Variants in LRRK1 observed in about 807,000 individuals in gnomAD.
LRRK1 encodes leucine-rich repeat serine/threonine-protein kinase 1.
In LRRK1, 113 loss-of-function variants were observed where a neutral mutation model predicts 209.1. The observed-to-expected ratio is 0.54, with a 90% CI of 0.46 to 0.63. The LOEUF (loss-of-function observed/expected upper bound fraction) is 0.63, where lower values mean the gene tolerates loss of function less well. Ranked by LOEUF, LRRK1 falls within the 30% of genes least tolerant of loss-of-function variation. LRRK1 has a pLI of 0.00. For missense variants in LRRK1, 2,284 were observed against 2,632.2 expected (o/e 0.87, Z 2.89); for synonymous variants, 1,144 against 1,099.7 (o/e 1.04, Z -0.80).
chr15:101,012,903 G>GGT (rs1555468221), intron 10 of LRRK1, among the ~76,000 whole-genome samples: 3 of 152,052 alleles, frequency 2.0e-5, no homozygotes, highest in Non-Finnish European at 4.4e-5. Flanking sequence ...GTGCCCCCGG[G>GGT]GGGGGGTGGT....
In LRRK1 at chr15:100,919,578, C is replaced by G. The variant is rs902377323; in HGVS notation, c.-123+127C>G. 242 of 148,362 alleles carry G rather than the reference C, an allele frequency of 1.6e-3. 1 individual carries two copies. The highest frequency in any genetic ancestry group is 6.9e-3 in the Middle Eastern group (2 of 288). 9.2% of individuals were successfully genotyped at this position (148,362 alleles called of 1,614,324 possible). A position where few individuals can be genotyped will look rare whatever the true frequency, so the allele number is the denominator to read the frequency against. On this transcript the variant is annotated intron_variant, in intron 1 of 33. Transcript: ENST00000388948. The surrounding 1 kb of genome is among the most constrained non-coding windows in gnomAD (Gnocchi z 5.8). ...CTCTGCCTGCCCGCGGGCCCCTGCG[C>G]TCCGGGCGGCCGCGTGGTCGGGCAC...
chr15:101,004,458 C>T (rs2032849056), intron 6 of LRRK1, among the ~76,000 whole-genome samples: 1 of 152,078 alleles, frequency 6.6e-6, no homozygotes, highest in Non-Finnish European at 1.5e-5. Flanking sequence ...CTCTTCAGCT[C>T]ACAAACACTG....
At chr15:101,058,557 C>T (rs978264086) in intron 29 of LRRK1, among the ~76,000 whole-genome samples, 8 of 136,420 alleles carry the variant, frequency 5.9e-5, no homozygotes, top group Admixed American at 5.1e-4. Context: ...TGAGGCCTGT[C>T]GGCCTGGTTA....
chr15:101,054,856 C>G (rs1225839996), intron 26 of LRRK1, 90 bp from the exon 27 acceptor site: 13 of 1,134,000 alleles, frequency 1.1e-5, no homozygotes, highest in Admixed American at 2.3e-5. Context: ...CTAGGGAGAT[C>G]GGAAGACAAA....
intron 2 of LRRK1, among the ~76,000 whole-genome samples, chr15:100,941,462 C>A (rs1442327502): frequency 1.5e-3 from 25 of 16,466 alleles, no homozygotes; most frequent in East Asian, 9.4e-3. Flanking sequence ...GTGTCTATGT[C>A]TCTGTGTGTG....
intron 12 of LRRK1, among the ~76,000 whole-genome samples, chr15:101,016,782 G>A (rs909600759): frequency 6.6e-6 from 1 of 152,158 alleles, no homozygotes; most frequent in Non-Finnish European, 1.5e-5. Flanking sequence ...ACTGCCACAC[G>A]ATGGTATCTT....
intron 12 of LRRK1, 86 bp from the exon 13 acceptor site, chr15:101,020,967 C>T: frequency 6.7e-7 from 1 of 1,489,160 alleles, no homozygotes; most frequent in Non-Finnish European, 9.3e-7. Context: ...CTGGAGGTTG[C>T]ATCAGTTTAT....
intron 9 of LRRK1, 116 bp downstream of exon 9, chr15:101,010,953 A>G: frequency 1.2e-6 from 1 of 860,364 alleles, no homozygotes; most frequent in African/African-American, 1.7e-5. Flanking sequence ...AGCCGGGTAG[A>G]AGGGCCCGGT....
At chr15:101,052,059 C>CACCTGCCCGCCCCAGA in intron 24 of LRRK1, 99 bp downstream of exon 24, 1 of 1,411,416 alleles carries the variant, frequency 7.1e-7, no homozygotes, top group Non-Finnish European at 9.6e-7. Flanking sequence ...CCCTCTGGGG[C>CACCTGCCCGCCCCAGA]GGGCAGGTGC....
chr15:100,991,328 G>C (rs569455333), intron 6 of LRRK1, among the ~76,000 whole-genome samples: 36 of 152,100 alleles, frequency 2.4e-4, no homozygotes, highest in African/African-American at 8.2e-4. Flanking sequence ...TCGGACATTT[G>C]TTCTTCTATT....
At chr15:100,973,655 G>A in intron 2 of LRRK1, 149 bp from the exon 3 acceptor site, 5 of 811,208 alleles carry the variant, frequency 6.2e-6, no homozygotes, top group Non-Finnish European at 8.3e-6. Context: ...GCGAGCGCAG[G>A]GAGCGTCGCG....
At chr15:101,050,376 C>T (rs1435566442) in intron 23 of LRRK1, among the ~76,000 whole-genome samples, 1 of 152,154 alleles carries the variant, frequency 6.6e-6, no homozygotes, top group East Asian at 1.9e-4. Context: ...TTGTTTTGCT[C>T]CTGGGGTGGA....
intron 31 of LRRK1, chr15:101,064,692 G>A (rs555572032): frequency 6.6e-6 from 1 of 152,098 alleles, no homozygotes; most frequent in Admixed American, 6.4e-5. Flanking sequence ...TCCAGAAGAG[G>A]GTTGAGTAGG....
At chr15:100,978,550 A>G (rs544361167) in intron 3 of LRRK1, among the ~76,000 whole-genome samples, 167 of 152,304 alleles carry the variant, frequency 1.1e-3, no homozygotes, top group African/African-American at 3.8e-3. Flanking sequence ...AAAATCACCA[A>G]CGTCAGAAGG....
Position 101,065,382 on chromosome 15 carries a change from G to A in LRRK1, c.4945G>A (p.Asp1649Asn), listed in dbSNP as rs764163827. ...CTACCTGGTCTTAGCGGGCCTCGCCGATGGGCTTGTGGCTGTGTTTCCCGT... is the reference window on the plus strand; with the variant it reads ...CTACCTGGTCTTAGCGGGCCTCGCCAATGGGCTTGTGGCTGTGTTTCCCGT... ...NSYLVLAGLA[D>N]GLVAVFPVVR... The change falls in exon 32 of 34, where the codon GAT becomes AAT. Residue 1649 changes from aspartate to asparagine, a missense_variant. Physicochemically the swap from Asp to Asn is conservative, Grantham distance 23 (BLOSUM62 1). Around this residue, in one of 6 missense-constraint regions of LRRK1, gnomAD observed 643 missense variants for 695.9 expected, o/e 0.92. Coordinates refer to ENST00000388948, the MANE Select transcript of LRRK1 (RefSeq NM_024652.6). The A allele has an allele frequency of 1.8e-5, 29 of 1,613,878 alleles. No homozygotes were observed. Among genetic ancestry groups the A allele is most frequent in the South Asian group, 3.3e-5 (3 of 91,094 alleles).
intron 26 of LRRK1, among the ~76,000 whole-genome samples, chr15:101,053,633 T>C (rs1379735446): frequency 7.2e-5 from 11 of 152,092 alleles, no homozygotes; most frequent in Admixed American, 7.2e-4. Context: ...GAGCGCACAC[T>C]CTGGAGTCGG....
chr15:100,952,035 A>G (rs982273513), intron 2 of LRRK1, among the ~76,000 whole-genome samples: 2 of 151,944 alleles, frequency 1.3e-5, no homozygotes, highest in African/African-American at 2.4e-5. Context: ...TACAACATGA[A>G]TAAGTCTTGA....
At chr15:101,051,119 A>G (rs1181909400) in intron 23 of LRRK1, among the ~76,000 whole-genome samples, 1 of 152,182 alleles carries the variant, frequency 6.6e-6, no homozygotes, top group Non-Finnish European at 1.5e-5. Context: ...AGTTCTAGGC[A>G]TCCACCTCCT....
At chr15:100,998,138 C>T (rs2032506759) in intron 6 of LRRK1, among the ~76,000 whole-genome samples, 1 of 151,326 alleles carries the variant, frequency 6.6e-6, no homozygotes, top group South Asian at 2.1e-4. Flanking sequence ...CGAGATAGTG[C>T]CATTGCACTT....
Sources: gnomAD v4.1 joint callset for allele counts (sites outside exome capture counted in the v4.1 genomes callset) on GRCh38, gnomAD v4.1.1 for gene constraint, gnomAD v4.1.1 regional missense constraint, Gnocchi (gnomAD v3.1) non-coding constraint, MANE v1.5 for transcripts, NCBI Gene and HGNC (gene_info 2026-07-23, HGNC 2026-07-21) for gene names.